The following ANKUB1 variants were observed in gnomAD, a reference collection of about 807,000 sequenced individuals.
ANKUB1 encodes the protein protein ANKUB1.
Under a neutral mutation model 49.3 loss-of-function variants are expected in ANKUB1, and 42 were observed. The observed-to-expected ratio is 0.85, with a 90% CI of 0.67 to 1.10. ANKUB1 has a LOEUF of 1.10. ANKUB1 is among the 50% of genes least tolerant of loss of function. ANKUB1 has a pLI of 0.00. For synonymous variants in ANKUB1, 222 were observed against 231.0 expected (o/e 0.96, Z 0.35); for missense variants, 613 against 642.0 (o/e 0.95, Z 0.49).
intron 2 of ANKUB1, among the ~76,000 whole-genome samples, chr3:149,782,007 G>A (rs1717891187): frequency 6.6e-6 from 1 of 152,156 alleles, no homozygotes; most frequent in Non-Finnish European, 1.5e-5. Context: ...GGTTCCATAA[G>A]GGAAGTATCT....
intron 5 of ANKUB1, among the ~76,000 whole-genome samples, chr3:149,761,881 G>GA (rs1716798985): frequency 6.6e-6 from 1 of 152,170 alleles, no homozygotes; most frequent in Admixed American, 6.5e-5. Flanking sequence ...TCTCTGGGTT[G>GA]AAACTTTTTC....
chr3:149,761,617 C>A lies in ANKUB1; in HGVS notation c.1506-4G>T. 3 of 1,550,140 alleles carry A rather than the reference C, an allele frequency of 1.9e-6. No individual in the cohort carries two copies. Among genetic ancestry groups the A allele is most frequent in the South Asian group, 2.4e-5 (2 of 83,942 alleles). Reference sequence around the variant, plus strand: ...CCATCGTTTCTCTTTAAAGGCACTGCAAGAAAACAAGATATAATTTGTAAG... The same window carrying A: ...CCATCGTTTCTCTTTAAAGGCACTGAAAGAAAACAAGATATAATTTGTAAG... On this transcript the variant is annotated splice_polypyrimidine_tract_variant and splice_region_variant and intron_variant, in intron 5 of 5. Transcript: ENST00000446160.
intron 3 of ANKUB1, chr3:149,780,005 A>G: frequency 1.9e-6 from 1 of 527,142 alleles, no homozygotes; most frequent in South Asian, 2.5e-5. Flanking sequence ...TGAGGAGGGA[A>G]CTAAGTGCTT....
intron 5 of ANKUB1, 81 bp from the exon 6 acceptor site, chr3:149,761,694 G>T: frequency 2.1e-6 from 3 of 1,445,630 alleles, no homozygotes; most frequent in Non-Finnish European, 1.8e-6. Flanking sequence ...AAATCTTCAG[G>T]TTGATTTTGT....
At chr3:149,777,403 C>T (rs918048525) in intron 3 of ANKUB1, among the ~76,000 whole-genome samples, 1 of 152,034 alleles carries the variant, frequency 6.6e-6, no homozygotes, top group Non-Finnish European at 1.5e-5. Flanking sequence ...ACCTGGGAGG[C>T]GGAGGTCGCA....
chr3:149,766,751 T>C, intron 5 of ANKUB1: 1 of 868,748 alleles, frequency 1.2e-6, no homozygotes, highest in Non-Finnish European at 1.8e-6. Flanking sequence ...TGAGCTGTGA[T>C]AGCACCACTG....
chr3:149,785,252 T>C (rs1718041542), intron 2 of ANKUB1, among the ~76,000 whole-genome samples: 2 of 151,952 alleles, frequency 1.3e-5, no homozygotes, highest in South Asian at 4.1e-4. Flanking sequence ...TACAATGTTC[T>C]TTATTATTAT....
chr3:149,787,983 G>A (rs1327226072), intron 2 of ANKUB1, among the ~76,000 whole-genome samples: 10 of 152,146 alleles, frequency 6.6e-5, no homozygotes, highest in South Asian at 2.1e-4. Flanking sequence ...ATATTTCTAA[G>A]TTGTACCAAA....
Position 149,770,611 on chromosome 3 carries a change from C to T in ANKUB1, c.515G>A (p.Gly172Glu). 2 of 1,550,076 alleles carry T rather than the reference C, an allele frequency of 1.3e-6. No individual in the cohort carries two copies. The highest frequency in any genetic ancestry group is 8.7e-7 in the Non-Finnish European group (1 of 1,146,380). ...WKEFLMGCLL[G>E]QKLKVQRYLS... ...GTAGCGTTGGACTTTAAGTTTTTGT[C>T]CAAGGAGACAACCCATCAGAAATTC... The change falls in exon 4 of 6, where the codon GGA (glycine) becomes GAA (glutamate). Residue 172 changes from glycine to glutamate, a missense_variant. Physicochemically the swap from Gly to Glu is moderately conservative, Grantham distance 98. Coordinates refer to ENST00000446160, the MANE Select transcript of ANKUB1 (RefSeq NM_001144960.3).
intron 2 of ANKUB1, among the ~76,000 whole-genome samples, chr3:149,786,155 C>T (rs1026717751): frequency 3.3e-5 from 5 of 152,194 alleles, no homozygotes; most frequent in Non-Finnish European, 1.5e-5. Context: ...CCTGCCTCAG[C>T]CTCCCCGGTA....
chr3:149,761,991 A>G (rs966072777), intron 5 of ANKUB1, among the ~76,000 whole-genome samples: 1 of 152,310 alleles, frequency 6.6e-6, no homozygotes, highest in South Asian at 2.1e-4. Context: ...TTTTAATTGA[A>G]AAGATATTAG....
chr3:149,789,530 G>A (rs111624549), intron 2 of ANKUB1, among the ~76,000 whole-genome samples: 3,264 of 152,068 alleles, frequency 0.021, 121 homozygotes, highest in African/African-American at 0.073. Flanking sequence ...CATTAAAAAC[G>A]TATGTAAATA....
intron 4 of ANKUB1, among the ~76,000 whole-genome samples, chr3:149,769,460 G>C (rs1207789660): frequency 6.6e-6 from 1 of 152,214 alleles, no homozygotes; most frequent in African/African-American, 2.4e-5. Flanking sequence ...ATAACTGAAT[G>C]TGAAATTGGC....
At chr3:149,775,520 G>A (rs988093296) in intron 3 of ANKUB1, among the ~76,000 whole-genome samples, 2 of 152,066 alleles carry the variant, frequency 1.3e-5, no homozygotes, top group East Asian at 1.9e-4. Context: ...TGAGCCTAAA[G>A]GTTAGTAAAA....
At position 149,775,952 on chromosome 3, in the gene ANKUB1, T is replaced by C. The variant is rs1487099156; in HGVS notation, c.451+4287A>G. On this transcript the variant is annotated intron_variant, in intron 3 of 5. Transcript: ENST00000446160. ...ATGTATGTATTGGACCTGTGTGATATGTCACTAAGCCTCAAGTCACAAAAT... is the reference window on the plus strand; with the variant it reads ...ATGTATGTATTGGACCTGTGTGATACGTCACTAAGCCTCAAGTCACAAAAT... 5.9e-5 allele frequency among the ~76,000 whole-genome samples: 9 copies of C among 152,050 alleles called. 1 individual carries two copies. Among genetic ancestry groups the C allele is most frequent in the African/African-American group, 1.9e-4 (8 of 41,404 alleles).
intron 2 of ANKUB1, chr3:149,783,877 C>T (rs1248793521): frequency 1.3e-5 from 2 of 152,034 alleles, no homozygotes; most frequent in East Asian, 1.9e-4. Context: ...CTTTTCATAC[C>T]TTTTGTTATG....
chr3:149,781,672 T>C (rs577770538), intron 2 of ANKUB1, among the ~76,000 whole-genome samples: 2 of 152,272 alleles, frequency 1.3e-5, no homozygotes, highest in East Asian at 3.9e-4. Flanking sequence ...TTATAATAAA[T>C]TAAATGCTCC....
chr3:149,782,824 G>T (rs1015787142), intron 2 of ANKUB1, among the ~76,000 whole-genome samples: 1 of 152,194 alleles, frequency 6.6e-6, no homozygotes, highest in African/African-American at 2.4e-5. Context: ...ACAGGAGTGA[G>T]CTTCTGTGCC....
At chr3:149,774,404 C>T (rs955667964) in intron 3 of ANKUB1, among the ~76,000 whole-genome samples, 1 of 152,226 alleles carries the variant, frequency 6.6e-6, no homozygotes, top group African/African-American at 2.4e-5. Flanking sequence ...GCAGACTGAC[C>T]TGCCTATTCC....
Sources: allele counts gnomAD v4.1 joint callset (sites outside exome capture counted in the v4.1 genomes callset), GRCh38; gene constraint gnomAD v4.1.1; transcripts MANE v1.5; gene names NCBI Gene and HGNC (gene_info 2026-07-23, HGNC 2026-07-21).